Variants in SLC9A4 observed in about 807,000 individuals in gnomAD.
SLC9A4 encodes solute carrier family 9 member A4, also known as sodium/hydrogen exchanger 4.
In SLC9A4, 63 loss-of-function variants were observed where a neutral mutation model predicts 67.4. That is an observed-to-expected ratio of 0.93 (90% confidence interval 0.76 to 1.15). SLC9A4 has a LOEUF of 1.15. Ranked by LOEUF, SLC9A4 falls within the 50% of genes most tolerant of loss-of-function variation. The probability of loss-of-function intolerance (pLI) is 0.00; values close to 1 mark genes in which losing one functional copy is unlikely to be tolerated. For missense variants in SLC9A4, 1,089 were observed against 987.7 expected (o/e 1.10, Z -1.38); for synonymous variants, 393 against 367.2 (o/e 1.07, Z -0.80).
chr2:102,492,197 T>C (rs894733974), intron 2 of SLC9A4, among the ~76,000 whole-genome samples: 1 of 152,218 alleles, frequency 6.6e-6, no homozygotes, highest in Non-Finnish European at 1.5e-5. Context: ...GTACAAGCTG[T>C]CAGTGGATCT....
At chr2:102,528,120 G>C (rs1674703112) in intron 11 of SLC9A4, among the ~76,000 whole-genome samples, 1 of 151,998 alleles carries the variant, frequency 6.6e-6, no homozygotes, top group Non-Finnish European at 1.5e-5. Flanking sequence ...CGATTCTCCT[G>C]GCTCAGCCTC....
In SLC9A4 at chr2:102,478,819, T is replaced by C. The variant is rs903206040; in HGVS notation, c.257-20T>C. 1.2e-6 allele frequency: 2 copies of C among 1,608,144 alleles called. No individual in the cohort carries two copies. The highest frequency in any genetic ancestry group is 1.7e-6 in the Non-Finnish European group (2 of 1,176,532). ...ACCGTTTCGTTTGCAAGCACCTAAC[T>C]GCTCTTCGCTGTTCTGCAGGCTTCC... On this transcript the variant is annotated intron_variant, in intron 1 of 11. Coordinates refer to ENST00000295269, the MANE Select transcript of SLC9A4 (RefSeq NM_001011552.4).
chr2:102,505,657 T>A, intron 4 of SLC9A4, 186 bp downstream of exon 4: 1 of 593,154 alleles, frequency 1.7e-6, no homozygotes, highest in Non-Finnish European at 2.9e-6. Flanking sequence ...TCAAAGTAAT[T>A]AGTGGTTGAT....
chr2:102,487,943 T>A (rs1684621497), intron 2 of SLC9A4, among the ~76,000 whole-genome samples: 1 of 152,256 alleles, frequency 6.6e-6, no homozygotes, highest in African/African-American at 2.4e-5. Flanking sequence ...CTTCATCTCC[T>A]GCCTTTGAGG....
chr2:102,490,796 A>C (rs1365189090), intron 2 of SLC9A4, among the ~76,000 whole-genome samples: 1 of 152,212 alleles, frequency 6.6e-6, no homozygotes, highest in Non-Finnish European at 1.5e-5. Context: ...CTGTGTAATA[A>C]GCATCTCTCC....
rs767389301 is a variant in SLC9A4 at position 102,525,159 on chromosome 2, C to T, written c.1950+4C>T. ...CAGCCTGCCCTGGGGAAAGCCGGTA[C>T]ATTGGGGCTGGGGACTGGGACATTC... On this transcript the variant is annotated splice_donor_region_variant and intron_variant, in intron 10 of 11. Transcript: ENST00000295269. 4 of 1,613,930 alleles carry T rather than the reference C, an allele frequency of 2.5e-6. No homozygotes were observed. Among genetic ancestry groups the T allele is most frequent in the South Asian group, 2.2e-5 (2 of 91,068 alleles).
intron 11 of SLC9A4, among the ~76,000 whole-genome samples, chr2:102,529,843 G>GT (rs1484900321): frequency 6.6e-6 from 1 of 152,152 alleles, no homozygotes; most frequent in Non-Finnish European, 1.5e-5. Flanking sequence ...CTCCATGCTG[G>GT]TTTGGGGGAC....
At chr2:102,526,114 C>T in intron 10 of SLC9A4, 145 bp from the exon 11 acceptor site, 1 of 699,128 alleles carries the variant, frequency 1.4e-6, no homozygotes, top group Non-Finnish European at 2.3e-6. Context: ...TCTTGAACCC[C>T]TGACCTCAGG....
rs764816790 is a variant in SLC9A4 at position 102,532,500 on chromosome 2, T to C, written c.2209T>C (p.Leu737=). ...AAGAAACACAAGCCAAGAAGAGTAC[T>C]TGGGTGGAGTAAGGAGGGTGGCCTT... The part of the protein sequence containing the change: ...YQRNTSQEEY[L]GGVRRVALRP... The change falls in exon 12 of 12, where the codon TTG becomes CTG. Residue 737 remains leucine (L), a synonymous_variant. Transcript: ENST00000295269. The C allele has an allele frequency of 1.2e-5, 19 of 1,614,026 alleles. No individual in the cohort carries two copies. Among genetic ancestry groups the C allele is most frequent in the Non-Finnish European group, 1.4e-5 (17 of 1,180,034 alleles).
intron 9 of SLC9A4, among the ~76,000 whole-genome samples, chr2:102,523,575 A>G (rs1255418096): frequency 2.6e-5 from 4 of 152,130 alleles, no homozygotes; most frequent in African/African-American, 9.7e-5. Flanking sequence ...AAGTATCAGT[A>G]TTTTCTTTCT....
chr2:102,531,163 C>T (rs1422770929), intron 11 of SLC9A4, among the ~76,000 whole-genome samples: 4 of 149,470 alleles, frequency 2.7e-5, no homozygotes, highest in African/African-American at 7.4e-5. Context: ...CCCAGGTTCA[C>T]GTCATTCTCC....
At chr2:102,489,115 A>G (rs1684647847) in intron 2 of SLC9A4, among the ~76,000 whole-genome samples, 1 of 152,240 alleles carries the variant, frequency 6.6e-6, no homozygotes, top group African/African-American at 2.4e-5. Context: ...TTTTGAGGTT[A>G]AGTGGCTTTT....
At chr2:102,481,312 A>T (rs1197454102) in intron 2 of SLC9A4, among the ~76,000 whole-genome samples, 1 of 152,182 alleles carries the variant, frequency 6.6e-6, no homozygotes, top group Non-Finnish European at 1.5e-5. Context: ...GACAAGGGAC[A>T]TTGTTTCCTT....
chr2:102,525,297 T>G, intron 10 of SLC9A4, 142 bp downstream of exon 10: 1 of 1,356,984 alleles, frequency 7.4e-7, no homozygotes, highest in Non-Finnish European at 1.0e-6. Flanking sequence ...TGAGAGATAC[T>G]AAAGCAAGAG....
chr2:102,512,919 GAGA>G (rs1399903526), intron 7 of SLC9A4, among the ~76,000 whole-genome samples: 15 of 152,156 alleles, frequency 9.9e-5, no homozygotes, highest in Non-Finnish European at 2.2e-4. Flanking sequence ...GAAGGAGATT[GAGA>G]AGAAGTGGTC....
chr2:102,492,880 A>G (rs1684733136), intron 2 of SLC9A4, among the ~76,000 whole-genome samples: 1 of 152,176 alleles, frequency 6.6e-6, no homozygotes, highest in Admixed American at 6.6e-5. Flanking sequence ...TACTTTGCCT[A>G]TTAGAAATTT....
Position 102,512,203 on chromosome 2 carries a change from C to G in SLC9A4, c.1489C>G (p.Leu497Val). ...TCATTTTCTTGTGTTTGTTTGGCAG[C>G]TGATGGATCACTTAAAGGCTGGAAT... ...ESINEELHIRLMDHLKAGIED... is the reference protein window; with the variant it reads ...ESINEELHIRVMDHLKAGIED... Residue 497 changes from leucine to valine, a missense_variant and splice_region_variant, in exon 7 of 12, where the codon CTG becomes GTG. Transcript: ENST00000295269. The G allele has an allele frequency of 6.2e-7, 1 of 1,613,910 alleles. No individual in the cohort carries two copies. Among genetic ancestry groups the G allele is most frequent in the Non-Finnish European group, 8.5e-7 (1 of 1,179,900 alleles).
At chr2:102,509,055 A>G (rs1006231267) in intron 6 of SLC9A4, 122 bp downstream of exon 6, 3 of 830,438 alleles carry the variant, frequency 3.6e-6, no homozygotes, top group Admixed American at 5.2e-5. Context: ...GAGTGACTGT[A>G]TAAGTTTCCT....
rs1358844631 is a variant in SLC9A4 at position 102,512,207 on chromosome 2, T to C, written c.1493T>C (p.Met498Thr). 10 of 1,614,018 alleles carry C rather than the reference T, an allele frequency of 6.2e-6. No individual in the cohort carries two copies. Among genetic ancestry groups the C allele is most frequent in the East Asian group, 2.2e-5 (1 of 44,872 alleles). Residue 498 changes from methionine (M) to threonine (T), a missense_variant, in exon 7 of 12, where the codon ATG becomes ACG. By Grantham distance (81) the Met-to-Thr change is moderately conservative (BLOSUM62 -1). Transcript: ENST00000295269. ...TTTCTTGTGTTTGTTTGGCAGCTGA[T>C]GGATCACTTAAAGGCTGGAATCGAA... ...SINEELHIRL[M>T]DHLKAGIEDV...
Sources: gnomAD v4.1 joint callset for allele counts (sites outside exome capture counted in the v4.1 genomes callset) on GRCh38, gnomAD v4.1.1 for gene constraint, MANE v1.5 for transcripts, NCBI Gene and HGNC (gene_info 2026-07-23, HGNC 2026-07-21) for gene names.